CTNNA2: variants seen among roughly 807,000 people sequenced by gnomAD.
CTNNA2 encodes the protein catenin alpha 2.
In CTNNA2, 42 loss-of-function variants were observed where a neutral mutation model predicts 101.0. The observed-to-expected ratio is 0.42, with a 90% CI of 0.32 to 0.54. The LOEUF (loss-of-function observed/expected upper bound fraction) is 0.54, where lower values mean the gene tolerates loss of function less well. Ranked by LOEUF, CTNNA2 falls within the 20% of genes least tolerant of loss-of-function variation. The pLI, the probability that CTNNA2 is intolerant of heterozygous loss-of-function variation, is 0.14. For synonymous variants in CTNNA2, 450 were observed against 456.4 expected, an observed-to-expected ratio of 0.99 and a Z score of 0.18; for missense variants, 871 against 1,223.1, an observed-to-expected ratio of 0.71 and a Z score of 4.29.
chr2:79,791,608 T>C (rs1675277470), intron 3 of CTNNA2, among the ~76,000 whole-genome samples: 1 of 152,150 alleles, frequency 6.6e-6, no homozygotes, highest in African/African-American at 2.4e-5. Context: ...GAAAGAATCA[T>C]GCTAGTGGAG....
At chr2:79,875,309 T>A (rs1682931374) in intron 6 of CTNNA2, among the ~76,000 whole-genome samples, 1 of 152,224 alleles carries the variant, frequency 6.6e-6, no homozygotes, top group African/African-American at 2.4e-5. Flanking sequence ...ATTTATCTTA[T>A]GATCAATGAA....
chr2:79,683,392 A>G (rs933598230), intron 2 of CTNNA2, among the ~76,000 whole-genome samples: 3 of 152,166 alleles, frequency 2.0e-5, no homozygotes, highest in Non-Finnish European at 4.4e-5. Context: ...TTTCTGCCTC[A>G]ATTTCCCTGA....
rs528982180 is a variant in CTNNA2 at position 80,302,754 on chromosome 2, C to T, written c.1057-90457C>T. ...TCGCACAGGTGGAAGGCGTACACGG[C>T]GTCCAGGACGTCCTCGCCCTGTGCG... On this transcript the variant is annotated intron_variant, in intron 7 of 18. Coordinates refer to ENST00000402739, the MANE Select transcript of CTNNA2 (RefSeq NM_001282597.3). This position sits in a 1 kb window ranked among gnomAD's most constrained non-coding sequence, Gnocchi z 6.4. 2.5e-6 allele frequency: 4 copies of T among 1,613,040 alleles called. No individual in the cohort carries two copies. In the East Asian group the frequency reaches 8.9e-5, roughly 36 times the overall value.
chr2:80,470,099 C>CAAA (rs1256424669), intron 9 of CTNNA2, among the ~76,000 whole-genome samples: 1 of 152,054 alleles, frequency 6.6e-6, no homozygotes, highest in Admixed American at 6.6e-5. Flanking sequence ...GGAGCATGCT[C>CAAA]ATTCAGAGCC....
chr2:80,164,923 C>T (rs373454874), intron 7 of CTNNA2, among the ~76,000 whole-genome samples: 84 of 144,746 alleles, frequency 5.8e-4, no homozygotes, highest in African/African-American at 2.0e-3. Context: ...ATTTGAACAG[C>T]TTTTCCCAAC....
At chr2:79,614,792 G>C (rs562136674) in intron 1 of CTNNA2, among the ~76,000 whole-genome samples, 2 of 152,278 alleles carry the variant, frequency 1.3e-5, no homozygotes, top group Admixed American at 1.3e-4. Flanking sequence ...ATGGTTGATT[G>C]AAATGTATGT....
intron 7 of CTNNA2, among the ~76,000 whole-genome samples, chr2:80,139,841 A>C (rs1054183283): frequency 6.6e-6 from 1 of 152,188 alleles, no homozygotes; most frequent in African/African-American, 2.4e-5. Context: ...GCTGTGAAGA[A>C]AGCATGTTTG....
At chr2:79,233,233 C>G (rs545880927) in intron 2 of CTNNA2, among the ~76,000 whole-genome samples, 204 of 152,144 alleles carry the variant, frequency 1.3e-3, no homozygotes, top group African/African-American at 4.3e-3. Context: ...AGCTGCATCC[C>G]AAATGTTTTG....
intron 7 of CTNNA2, among the ~76,000 whole-genome samples, chr2:80,042,638 G>T (rs1696144435): frequency 6.6e-6 from 1 of 152,136 alleles, no homozygotes. Flanking sequence ...ATGGACCATG[G>T]CCGATTCATG....
intron 3 of CTNNA2, among the ~76,000 whole-genome samples, chr2:79,814,171 G>C (rs1391806266): frequency 6.6e-6 from 1 of 152,058 alleles, no homozygotes; most frequent in East Asian, 1.9e-4. Flanking sequence ...TTATATATAT[G>C]ATTTCATCGT....
At chr2:80,195,558 A>G (rs1706773256) in intron 7 of CTNNA2, among the ~76,000 whole-genome samples, 1 of 151,872 alleles carries the variant, frequency 6.6e-6, no homozygotes, top group Non-Finnish European at 1.5e-5. Flanking sequence ...AATGACTTCT[A>G]GAGATAATCG....
In CTNNA2 at chr2:80,270,395, C is replaced by G. The variant is rs1255424339; in HGVS notation, c.1057-122816C>G. ...TGATGTACTAAAAGGCTTTCTTTGC[C>G]ACTGATGGGGTGCAGAGCTTAACCA... On this transcript the variant is annotated intron_variant, in intron 7 of 18. Coordinates refer to ENST00000402739, the MANE Select transcript of CTNNA2 (RefSeq NM_001282597.3). 2.6e-5 allele frequency among the ~76,000 whole-genome samples: 4 copies of G among 152,222 alleles called. No homozygotes were observed. In the East Asian group the frequency reaches 7.7e-4, roughly 29 times the overall value.
At chr2:80,248,470 T>C (rs777185345) in intron 7 of CTNNA2, among the ~76,000 whole-genome samples, 15 of 152,214 alleles carry the variant, frequency 9.9e-5, no homozygotes, top group Non-Finnish European at 1.9e-4. Context: ...ACTAAGGGTT[T>C]GCAGGGTCTT....
chr2:79,691,799 T>A (rs1040895837), intron 2 of CTNNA2, among the ~76,000 whole-genome samples: 1 of 151,782 alleles, frequency 6.6e-6, no homozygotes, highest in African/African-American at 2.4e-5. Flanking sequence ...ATAAATGGTG[T>A]TGGGAAAACT....
At chr2:79,586,485 C>A (rs1276970612) in intron 1 of CTNNA2, among the ~76,000 whole-genome samples, 1 of 151,368 alleles carries the variant, frequency 6.6e-6, no homozygotes, top group Non-Finnish European at 1.5e-5. Flanking sequence ...TTCTACAAAG[C>A]CTTCTTCTTT....
intron 8 of CTNNA2, among the ~76,000 whole-genome samples, chr2:80,412,325 A>G (rs1251126339): frequency 6.6e-6 from 1 of 152,214 alleles, no homozygotes; most frequent in African/African-American, 2.4e-5. Context: ...TCCCTGTCCT[A>G]GTCCCCATGA....
At chr2:80,272,936 C>T (rs1024084993) in intron 7 of CTNNA2, among the ~76,000 whole-genome samples, 5 of 152,140 alleles carry the variant, frequency 3.3e-5, no homozygotes, top group African/African-American at 1.2e-4. Context: ...AGACCAAACT[C>T]TTCTTTGATC....
intron 9 of CTNNA2, among the ~76,000 whole-genome samples, chr2:80,438,392 A>G (rs1682234746): frequency 2.0e-5 from 3 of 150,240 alleles, no homozygotes; most frequent in South Asian, 4.3e-4. Context: ...AACGATGCCA[A>G]ATGTTTTTTT....
chr2:80,375,582 T>C (rs1675871179), intron 7 of CTNNA2, among the ~76,000 whole-genome samples: 1 of 145,106 alleles, frequency 6.9e-6, no homozygotes, highest in Non-Finnish European at 1.5e-5. Flanking sequence ...TTTTTTTTTT[T>C]GAGATGGAGT....
Sources: gnomAD v4.1 joint callset for allele counts (sites outside exome capture counted in the v4.1 genomes callset) on GRCh38, gnomAD v4.1.1 for gene constraint, Gnocchi (gnomAD v3.1) non-coding constraint, MANE v1.5 for transcripts, NCBI Gene and HGNC (gene_info 2026-07-23, HGNC 2026-07-21) for gene names.